MANBA: variants seen among roughly 807,000 people sequenced by gnomAD.
MANBA encodes the protein mannosidase beta.
In MANBA, 83 loss-of-function variants were observed where a neutral mutation model predicts 111.1. The ratio of observed to expected loss-of-function variants is 0.75; its 90% CI spans 0.63 to 0.90. The LOEUF (loss-of-function observed/expected upper bound fraction) is 0.90. MANBA is among the 40% of genes least tolerant of loss of function. The pLI, the probability that MANBA is intolerant of heterozygous loss-of-function variation, is 0.00. For missense variants in MANBA, 1,036 were observed against 1,069.0 expected, an observed-to-expected ratio of 0.97 and a Z score of 0.43; for synonymous variants, 370 against 378.7, an observed-to-expected ratio of 0.98 and a Z score of 0.27.
intron 1 of MANBA, chr4:102,734,348 G>A (rs571862752): frequency 7.5e-6 from 12 of 1,605,838 alleles, no homozygotes; most frequent in Admixed American, 1.7e-5. Flanking sequence ...GGCAGCAAGC[G>A]ACTTGGGCCA....
chr4:102,692,900 G>A (rs1732547803), intron 5 of MANBA, among the ~76,000 whole-genome samples: 1 of 151,806 alleles, frequency 6.6e-6, no homozygotes, highest in African/African-American at 2.4e-5. Context: ...GCTGATCAAT[G>A]ACAAAAGACG....
chr4:102,686,814 C>T (rs1732237624), intron 7 of MANBA, among the ~76,000 whole-genome samples: 1 of 152,172 alleles, frequency 6.6e-6, no homozygotes, highest in Non-Finnish European at 1.5e-5. Flanking sequence ...GCCTGGGGTT[C>T]TGTCCTAGCT....
intron 13 of MANBA, among the ~76,000 whole-genome samples, chr4:102,649,138 G>A (rs1351138217): frequency 6.6e-6 from 1 of 151,898 alleles, no homozygotes; most frequent in Non-Finnish European, 1.5e-5. Context: ...ACTACAATTT[G>A]TTTATAAATT....
At chr4:102,670,943 T>C (rs989398865) in intron 9 of MANBA, 1 of 159,306 alleles carries the variant, frequency 6.3e-6, no homozygotes, top group Admixed American at 6.2e-5. Context: ...TTATTATTTT[T>C]CTTCTCTTTA....
intron 9 of MANBA, among the ~76,000 whole-genome samples, chr4:102,669,796 C>T (rs1353038810): frequency 4.6e-5 from 7 of 152,106 alleles, no homozygotes; most frequent in African/African-American, 7.2e-5. Flanking sequence ...CTGGCTAACA[C>T]GGTGAAACCC....
At chr4:102,732,603 G>A (rs543142119) in intron 1 of MANBA, among the ~76,000 whole-genome samples, 11 of 152,222 alleles carry the variant, frequency 7.2e-5, no homozygotes, top group Non-Finnish European at 1.2e-4. Flanking sequence ...GCTACTAGAG[G>A]AGAGAGTGAC....
chr4:102,757,303 T>C lies in MANBA; in HGVS notation c.177+3415A>G, dbSNP rs546202629. 7.3e-4 allele frequency among the ~76,000 whole-genome samples: 110 copies of C among 150,676 alleles called. 2 individuals are homozygous for C. The highest frequency in any genetic ancestry group is 2.6e-3 in the African/African-American group (106 of 40,948). On this transcript the variant is annotated intron_variant, in intron 1 of 16. Transcript: ENST00000647097. ...GAGATAGTACCATTGCATTCCAGCC[T>C]GGGCAACAAGAGCGAAACTCCGTCT...
intron 1 of MANBA, among the ~76,000 whole-genome samples, chr4:102,737,883 C>T (rs1346527805): frequency 1.3e-5 from 2 of 152,132 alleles, no homozygotes; most frequent in Non-Finnish European, 2.9e-5. Flanking sequence ...CCTGAGAACC[C>T]CATAGTGGCC....
intron 5 of MANBA, among the ~76,000 whole-genome samples, chr4:102,697,516 C>A (rs546614707): frequency 8.8e-6 from 1 of 114,276 alleles, no homozygotes; most frequent in South Asian, 3.5e-4. Flanking sequence ...CCTCCCCCCA[C>A]CCCACAACAG....
At chr4:102,751,506 A>G (rs1578961116) in intron 1 of MANBA, 2 of 531,438 alleles carry the variant, frequency 3.8e-6, no homozygotes, top group South Asian at 2.8e-5. Flanking sequence ...CCTTAGTAAC[A>G]TCATCAATAA....
intron 5 of MANBA, among the ~76,000 whole-genome samples, chr4:102,697,667 TC>T (rs1477238724): frequency 6.7e-6 from 1 of 149,856 alleles, no homozygotes; most frequent in Non-Finnish European, 1.5e-5. Context: ...TTCATCCATG[TC>T]CCTACAAAGG....
chr4:102,661,592 A>G (rs531969204), intron 11 of MANBA, among the ~76,000 whole-genome samples: 19 of 152,264 alleles, frequency 1.2e-4, no homozygotes, highest in Non-Finnish European at 2.5e-4. Flanking sequence ...TGATTGATCA[A>G]GCTTGACAGA....
In MANBA at chr4:102,734,275, C is replaced by T. The variant is rs147715787; in HGVS notation, c.178-7592G>A. On this transcript the variant is annotated intron_variant, in intron 1 of 16. Coordinates refer to ENST00000647097, the MANE Select transcript of MANBA (RefSeq NM_005908.4). ...TGTAAACCTACAAAGTCTACTCTTC[C>T]GGGGGAGAAGGGCAGCAGCGTGAGA... is the stretch of plus-strand genomic sequence containing the variant. 2.1e-4 allele frequency: 293 copies of T among 1,366,804 alleles called. 2 individuals are homozygous for T. In the African/African-American group the frequency reaches 3.6e-3, roughly 17 times the overall value. The allele number at this position is 1,366,804 out of a possible 1,614,324, so 84.7% of individuals were successfully genotyped here.
intron 12 of MANBA, 90 bp downstream of exon 12, chr4:102,657,591 GT>G: frequency 9.5e-7 from 1 of 1,053,170 alleles, no homozygotes. Context: ...TAAGACGTAG[GT>G]TTCATATGAT....
chr4:102,656,631 T>C (rs1294743371), intron 12 of MANBA, among the ~76,000 whole-genome samples: 3 of 152,128 alleles, frequency 2.0e-5, no homozygotes, highest in Non-Finnish European at 2.9e-5. Context: ...TGTACACAAA[T>C]GTTCCCAGCA....
chr4:102,730,332 T>C (rs1012820077), intron 1 of MANBA, among the ~76,000 whole-genome samples: 2 of 152,162 alleles, frequency 1.3e-5, no homozygotes, highest in African/African-American at 4.8e-5. Context: ...ACATTTCTCA[T>C]GACCTTCCCT....
At chr4:102,707,741 C>T (rs868786104) in intron 5 of MANBA, among the ~76,000 whole-genome samples, 4 of 151,930 alleles carry the variant, frequency 2.6e-5, no homozygotes. Flanking sequence ...AAAACATGAC[C>T]AAACTATATG....
intron 4 of MANBA, among the ~76,000 whole-genome samples, chr4:102,718,489 A>T (rs1005122109): frequency 6.6e-6 from 1 of 152,234 alleles, no homozygotes; most frequent in East Asian, 1.9e-4. Flanking sequence ...GAGAACAAGG[A>T]TGTGGATAAA....
At chr4:102,723,484 A>G (rs1415884569) in intron 3 of MANBA, among the ~76,000 whole-genome samples, 1 of 152,232 alleles carries the variant, frequency 6.6e-6, no homozygotes. Flanking sequence ...TACCTTTGAA[A>G]GGAAAGGAAG....
Sources: allele counts gnomAD v4.1 joint callset (sites outside exome capture counted in the v4.1 genomes callset), GRCh38; gene constraint gnomAD v4.1.1; transcripts MANE v1.5; gene names NCBI Gene and HGNC (gene_info 2026-07-23, HGNC 2026-07-21).